Variants in RPF2 observed in about 807,000 individuals in gnomAD.
The protein encoded by RPF2 is ribosome production factor 2 homolog.
In RPF2, 21 loss-of-function variants were observed where a neutral mutation model predicts 38.9. That is an observed-to-expected ratio of 0.54 (90% CI 0.38 to 0.78). The LOEUF (loss-of-function observed/expected upper bound fraction) is 0.78, where lower values mean the gene tolerates loss of function less well. Among genes scored for constraint, RPF2 ranks in the 30% least tolerant of loss-of-function variants. The pLI, the probability that RPF2 is intolerant of heterozygous loss-of-function variation, is 0.00. For synonymous variants in RPF2, 121 were observed against 126.2 expected (o/e 0.96, Z 0.28); for missense variants, 314 against 358.1 (o/e 0.88, Z 0.99).
intron 5 of RPF2, among the ~76,000 whole-genome samples, chr6:110,998,274 A>G (rs981043169): frequency 6.6e-6 from 1 of 152,200 alleles, no homozygotes; most frequent in African/African-American, 2.4e-5. Flanking sequence ...GGGAGGGGCC[A>G]CATGCACGGT....
Position 111,027,905 on chromosome 6 carries a change from A to C in RPF2, c.*2323A>C, listed in dbSNP as rs1196304525. The C allele has an allele frequency of 6.6e-6, 1 of 152,198 alleles. No individual in the cohort carries two copies. Among genetic ancestry groups the C allele is most frequent in the East Asian group, 1.9e-4 (1 of 5,200 alleles). The allele number at this position is 152,198 out of a possible 1,614,324, so 9.4% of individuals were successfully genotyped here. ...ATTTATATCACTTTTTGTGGAGAGCACATCTTGATTTTCAGTTGTCCTTAC... is the reference window on the plus strand; with the variant it reads ...ATTTATATCACTTTTTGTGGAGAGCCCATCTTGATTTTCAGTTGTCCTTAC... On this transcript the variant is annotated 3_prime_UTR_variant, in exon 10 of 10. Transcript: ENST00000441448.
At chr6:110,992,001 AT>A (rs1771628717) in intron 4 of RPF2, among the ~76,000 whole-genome samples, 1 of 152,156 alleles carries the variant, frequency 6.6e-6, no homozygotes, top group Admixed American at 6.6e-5. Context: ...GCCTGCAAAT[AT>A]ATTGATAAAA....
chr6:111,008,395 T>C (rs1331275096), intron 7 of RPF2, among the ~76,000 whole-genome samples: 1 of 151,032 alleles, frequency 6.6e-6, no homozygotes, highest in Non-Finnish European at 1.5e-5. Flanking sequence ...TTTCCTCCTT[T>C]TTTTGGACCT....
intron 6 of RPF2, among the ~76,000 whole-genome samples, chr6:111,005,222 G>A (rs1380086582): frequency 6.6e-6 from 1 of 152,172 alleles, no homozygotes; most frequent in Non-Finnish European, 1.5e-5. Context: ...ATGGTGAGCA[G>A]CAAAGCAACA....
At chr6:110,983,546 G>A (rs979319520) in intron 1 of RPF2, among the ~76,000 whole-genome samples, 3 of 152,004 alleles carry the variant, frequency 2.0e-5, no homozygotes, top group Non-Finnish European at 4.4e-5. Context: ...GTTTTGCATT[G>A]TTGCCCAGGC....
At chr6:111,020,109 A>G (rs532520965) in intron 8 of RPF2, among the ~76,000 whole-genome samples, 11 of 152,252 alleles carry the variant, frequency 7.2e-5, no homozygotes, top group Middle Eastern at 3.4e-3. Flanking sequence ...TAGTAGAGAC[A>G]GGGTTTCACC....
intron 1 of RPF2, 57 bp downstream of exon 1, chr6:110,982,186 A>T: frequency 1.3e-6 from 2 of 1,586,164 alleles, no homozygotes; most frequent in Non-Finnish European, 1.7e-6. Context: ...TCCCGTGATG[A>T]GGGTGGTACT....
chr6:111,017,716 C>T (rs1481284296), intron 8 of RPF2, among the ~76,000 whole-genome samples: 1 of 147,574 alleles, frequency 6.8e-6, no homozygotes, highest in Non-Finnish European at 1.5e-5. Flanking sequence ...AGAGGCGCTC[C>T]TCACTTCCCA....
At chr6:111,009,624 A>G (rs556938646) in intron 7 of RPF2, among the ~76,000 whole-genome samples, 10 of 152,268 alleles carry the variant, frequency 6.6e-5, no homozygotes, top group Admixed American at 2.0e-4. Flanking sequence ...CTAGCAAACT[A>G]TGCTAGTTCT....
Position 111,015,769 on chromosome 6 carries a change from C to G in RPF2, c.509C>G (p.Pro170Arg). ...KSLLIDFFRG[P>R]TVSNIRLAGL... ...GTGCTTTTAGATTTCTTCAGAGGCC[C>G]CACAGTATCAAATATCCGCCTGGCT... Residue 170 changes from proline to arginine, a missense_variant, in exon 8 of 10, where the codon CCC becomes CGC. Pro to Arg is a moderately radical substitution (Grantham distance 103). Transcript: ENST00000441448. 1.2e-6 allele frequency: 2 copies of G among 1,608,280 alleles called. No individual in the cohort carries two copies.
At chr6:111,002,629 A>AG (rs1311492906) in intron 6 of RPF2, among the ~76,000 whole-genome samples, 2 of 152,186 alleles carry the variant, frequency 1.3e-5, no homozygotes, top group Non-Finnish European at 2.9e-5. Context: ...CACTGCACCC[A>AG]GCCCAGGTCT....
At chr6:111,009,705 G>A (rs542439222) in intron 7 of RPF2, among the ~76,000 whole-genome samples, 2 of 152,272 alleles carry the variant, frequency 1.3e-5, no homozygotes, top group South Asian at 4.1e-4. Context: ...GGCAAGTCGT[G>A]TTCTGATGCC....
At chr6:111,016,681 T>TA (rs1554250314) in intron 8 of RPF2, among the ~76,000 whole-genome samples, 1 of 90,506 alleles carries the variant, frequency 1.1e-5, no homozygotes, top group African/African-American at 5.1e-5. Flanking sequence ...TTTTTTTTTT[T>TA]TCTTTCTTTT....
chr6:110,996,201 T>C (rs1250295218), intron 4 of RPF2, among the ~76,000 whole-genome samples: 1 of 150,212 alleles, frequency 6.7e-6, no homozygotes, highest in Non-Finnish European at 1.5e-5. Flanking sequence ...CCCAGACTGG[T>C]ATGCAATGCT....
intron 7 of RPF2, among the ~76,000 whole-genome samples, chr6:111,010,039 C>T (rs1408661264): frequency 6.6e-6 from 1 of 151,952 alleles, no homozygotes; most frequent in Non-Finnish European, 1.5e-5. Context: ...TCTTTTATAA[C>T]TCTGGAAAGT....
intron 8 of RPF2, among the ~76,000 whole-genome samples, chr6:111,020,859 GAAA>G (rs113626360): frequency 6.6e-6 from 1 of 151,386 alleles, no homozygotes. Flanking sequence ...CAAAAAAAGA[GAAA>G]AAAAAGAATA....
chr6:110,990,020 C>T (rs1008295585), intron 3 of RPF2, among the ~76,000 whole-genome samples: 1 of 151,794 alleles, frequency 6.6e-6, no homozygotes, highest in Non-Finnish European at 1.5e-5. Flanking sequence ...GTCACTGCAA[C>T]ACCTGCCTCC....
intron 4 of RPF2, among the ~76,000 whole-genome samples, chr6:110,994,278 T>TA (rs5879084): frequency 2.5e-3 from 336 of 135,102 alleles, no homozygotes; most frequent in Middle Eastern, 3.9e-3. Context: ...TCCATCTCAA[T>TA]AAAAAAAAAA....
chr6:111,004,524 A>G (rs1170827450), intron 6 of RPF2, among the ~76,000 whole-genome samples: 2 of 150,288 alleles, frequency 1.3e-5, no homozygotes, highest in Non-Finnish European at 1.5e-5. Context: ...AAAAAATATC[A>G]GTGCTGTATG....
Sources: gnomAD v4.1 joint callset for allele counts (sites outside exome capture counted in the v4.1 genomes callset) on GRCh38, gnomAD v4.1.1 for gene constraint, MANE v1.5 for transcripts, NCBI Gene and HGNC (gene_info 2026-07-23, HGNC 2026-07-21) for gene names.